NRG1: variants seen among roughly 807,000 people sequenced by gnomAD.
NRG1 encodes the protein pro-neuregulin-1, membrane-bound isoform.
A neutral mutation model predicts 63.8 loss-of-function variants in NRG1; 18 were observed. The observed-to-expected ratio is 0.28, with a 90% CI of 0.19 to 0.42. The LOEUF (loss-of-function observed/expected upper bound fraction) is 0.42, where lower values mean the gene tolerates loss of function less well. NRG1 is among the 10% of genes least tolerant of loss of function. The pLI, the probability that NRG1 is intolerant of heterozygous loss-of-function variation, is 1.00. For missense variants in NRG1, 762 were observed against 814.7 expected (o/e 0.94, Z 0.79); for synonymous variants, 302 against 301.3 (o/e 1.00, Z -0.02).
chr8:32,582,199 G>A (rs1211958151), intron 1 of NRG1, among the ~76,000 whole-genome samples: 1 of 151,556 alleles, frequency 6.6e-6, no homozygotes, highest in African/African-American at 2.4e-5. Flanking sequence ...CTGGGCTCAA[G>A]TGCTCTGCCC....
intron 1 of NRG1, among the ~76,000 whole-genome samples, chr8:31,779,550 AG>A (rs1270336080): frequency 6.6e-6 from 1 of 152,214 alleles, no homozygotes; most frequent in East Asian, 1.9e-4. Context: ...CCACTGTAAT[AG>A]AAAAAGCAGT....
chr8:31,810,586 T>C (rs771320452), intron 1 of NRG1, among the ~76,000 whole-genome samples: 1 of 152,184 alleles, frequency 6.6e-6, no homozygotes, highest in Non-Finnish European at 1.5e-5. Flanking sequence ...TAGATATTAC[T>C]TGGCTTCCTC....
At chr8:32,187,854 A>T (rs1842114243) in intron 1 of NRG1, among the ~76,000 whole-genome samples, 1 of 152,232 alleles carries the variant, frequency 6.6e-6, no homozygotes. Flanking sequence ...ATCTCTAAAG[A>T]CAACGTACCC....
At chr8:32,369,213 T>C (rs931962149) in intron 1 of NRG1, among the ~76,000 whole-genome samples, 1 of 152,208 alleles carries the variant, frequency 6.6e-6, no homozygotes, top group African/African-American at 2.4e-5. Context: ...TTACTTTTCA[T>C]TTTTGGAGGA....
intron 1 of NRG1, among the ~76,000 whole-genome samples, chr8:32,503,663 A>C (rs1406652005): frequency 6.6e-6 from 1 of 152,198 alleles, no homozygotes; most frequent in African/African-American, 2.4e-5. Context: ...TCTTTAATTA[A>C]AGAAATAATA....
At chr8:31,961,677 C>T (rs1805476765) in intron 1 of NRG1, among the ~76,000 whole-genome samples, 1 of 152,078 alleles carries the variant, frequency 6.6e-6, no homozygotes, top group Admixed American at 6.5e-5. Flanking sequence ...CTGTATGCCT[C>T]CCTCCAACTT....
At chr8:32,209,441 A>G (rs765259999) in intron 1 of NRG1, among the ~76,000 whole-genome samples, 2 of 152,104 alleles carry the variant, frequency 1.3e-5, no homozygotes, top group Admixed American at 6.6e-5. Flanking sequence ...CCATTTTACT[A>G]TACTGTTTTC....
At chr8:32,055,021 G>T (rs1822677141) in intron 1 of NRG1, among the ~76,000 whole-genome samples, 2 of 151,404 alleles carry the variant, frequency 1.3e-5, no homozygotes, top group South Asian at 4.2e-4. Context: ...CCGAGTTGCT[G>T]GGTCTACAGG....
intron 1 of NRG1, among the ~76,000 whole-genome samples, chr8:32,377,629 G>A (rs1399720149): frequency 6.6e-6 from 1 of 152,124 alleles, no homozygotes; most frequent in African/African-American, 2.4e-5. Context: ...TGTGATATGG[G>A]AAAACCACAC....
chr8:31,836,528 A>G (rs1053785456), intron 1 of NRG1, among the ~76,000 whole-genome samples: 3 of 152,086 alleles, frequency 2.0e-5, no homozygotes, highest in African/African-American at 7.2e-5. Context: ...TTGTTCTCTC[A>G]TCTTTTTAAA....
chr8:32,091,929 GC>G (rs372637479), intron 1 of NRG1, among the ~76,000 whole-genome samples: 23 of 152,196 alleles, frequency 1.5e-4, no homozygotes, highest in African/African-American at 5.5e-4. Context: ...TGATGTGTCT[GC>G]TTGTCCCCAG....
Position 32,039,832 on chromosome 8 carries a change from C to CATA in NRG1, c.37+400403_37+400405dup, listed in dbSNP as rs565925036. ...CCAGGAGTTCGAGACCAGCCTGGGC[C>CATA]ATAAACCAAGACCTTATCGCTACAA... On this transcript the variant is annotated intron_variant, in intron 1 of 10. Transcript: ENST00000519301. Among the ~76,000 whole-genome samples, 20 of 150,864 alleles carry CATA rather than the reference C, an allele frequency of 1.3e-4. No individual in the cohort carries two copies. In the East Asian group the frequency reaches 2.4e-3, roughly 18 times the overall value.
intron 5 of NRG1, among the ~76,000 whole-genome samples, chr8:32,695,372 TGAGA>T (rs370235480): frequency 2.2e-5 from 3 of 136,694 alleles, no homozygotes; most frequent in Non-Finnish European, 4.8e-5. Context: ...AGAGAGAGGG[TGAGA>T]GAGAGAGAGA....
chr8:32,374,422 T>A (rs569478795), intron 1 of NRG1, among the ~76,000 whole-genome samples: 5 of 152,340 alleles, frequency 3.3e-5, no homozygotes, highest in African/African-American at 1.2e-4. Flanking sequence ...GAAGAAATGA[T>A]GTTTAGAGAA....
chr8:32,294,460 C>T (rs1346913801), intron 1 of NRG1, among the ~76,000 whole-genome samples: 2 of 152,160 alleles, frequency 1.3e-5, no homozygotes, highest in African/African-American at 2.4e-5. Context: ...AATTTATCCA[C>T]GCCTACCTTG....
chr8:32,590,338 T>A (rs1310968124), intron 1 of NRG1, among the ~76,000 whole-genome samples: 1 of 152,144 alleles, frequency 6.6e-6, no homozygotes, highest in Non-Finnish European at 1.5e-5. Flanking sequence ...TGTTTCAGGG[T>A]GTGGAACTAC....
chr8:32,111,790 G>T (rs571567397), intron 1 of NRG1, among the ~76,000 whole-genome samples: 1 of 152,126 alleles, frequency 6.6e-6, no homozygotes, highest in Non-Finnish European at 1.5e-5. Flanking sequence ...AACAGGAAAT[G>T]GAGGTAAAAG....
intron 1 of NRG1, among the ~76,000 whole-genome samples, chr8:32,345,745 G>A (rs1412032104): frequency 6.6e-6 from 1 of 152,092 alleles, no homozygotes; most frequent in Non-Finnish European, 1.5e-5. Context: ...TGAGGCGGGT[G>A]GATCATTTGA....
chr8:32,210,502 G>A (rs1398510101), intron 1 of NRG1, among the ~76,000 whole-genome samples: 1 of 152,136 alleles, frequency 6.6e-6, no homozygotes, highest in Non-Finnish European at 1.5e-5. Flanking sequence ...TTTGAGAACC[G>A]CTTTTGTAAC....
Sources: gnomAD v4.1 joint callset for allele counts (sites outside exome capture counted in the v4.1 genomes callset) on GRCh38, gnomAD v4.1.1 for gene constraint, MANE v1.5 for transcripts, NCBI Gene and HGNC (gene_info 2026-07-23, HGNC 2026-07-21) for gene names.